CPT1C: variants seen among roughly 807,000 people sequenced by gnomAD.
CPT1C encodes the protein palmitoyl thioesterase CPT1C.
A neutral mutation model predicts 97.3 loss-of-function variants in CPT1C; 61 were observed. That is an observed-to-expected ratio of 0.63 (90% CI 0.51 to 0.78). The LOEUF is 0.78. Ranked by LOEUF, CPT1C falls within the 30% of genes least tolerant of loss-of-function variation. The pLI, the probability that CPT1C is intolerant of heterozygous loss-of-function variation, is 0.00. For missense variants in CPT1C, 975 were observed against 1,065.5 expected (o/e 0.92, Z 1.18); for synonymous variants, 469 against 447.2 (o/e 1.05, Z -0.61).
intron 7 of CPT1C, among the ~76,000 whole-genome samples, chr19:49,704,454 A>C (rs1047107489): frequency 2.0e-5 from 3 of 152,178 alleles, no homozygotes; most frequent in African/African-American, 7.2e-5. Flanking sequence ...TACAGGCGGG[A>C]GCCACCGTGC....
At chr19:49,711,708 C>T in intron 16 of CPT1C, 101 bp from the exon 17 acceptor site, 1 of 1,237,296 alleles carries the variant, frequency 8.1e-7, no homozygotes, top group Non-Finnish European at 1.1e-6. Context: ...TCCCACCTTG[C>T]AGGGATGTGG....
At chr19:49,699,455 T>G (rs1032827295) in intron 4 of CPT1C, among the ~76,000 whole-genome samples, 1 of 39,170 alleles carries the variant, frequency 2.6e-5, no homozygotes, top group African/African-American at 9.8e-5. Context: ...GACCCCTGTC[T>G]CTAAAAAAAA....
chr19:49,712,507 A>G (rs1479841389), intron 17 of CPT1C: 2 of 558,196 alleles, frequency 3.6e-6, no homozygotes, highest in African/African-American at 3.8e-5. Flanking sequence ...GGGCGTGGTC[A>G]GAGGAGGGGC....
In CPT1C at chr19:49,692,360, G is replaced by T; in HGVS notation, c.108G>T (p.Leu36=). ...TGCAGGAGATCTACCTCTCTGGCCT[G>T]CGCTCCTGGAAAAGGCATCTCTCAC... ...PVLQEIYLSG[L]RSWKRHLSRF... is the part of the protein sequence containing the mutation. Residue 36 remains leucine (L), a synonymous_variant, in exon 3 of 20, where the codon CTG becomes CTT. Transcript: ENST00000598293. The T allele has an allele frequency of 6.2e-7, 1 of 1,614,134 alleles. No homozygotes were observed. The highest frequency in any genetic ancestry group is 1.1e-5 in the South Asian group (1 of 91,082).
At chr19:49,695,940 G>A (rs1238034952) in intron 3 of CPT1C, among the ~76,000 whole-genome samples, 1 of 151,914 alleles carries the variant, frequency 6.6e-6, no homozygotes, top group Non-Finnish European at 1.5e-5. Context: ...GCAATAGCAG[G>A]ATCTTGGCTC....
rs563116091 is a variant in CPT1C, at chr19:49,705,277, C to G, written c.943C>G (p.Arg315Gly). 6.2e-7 allele frequency: 1 copy of G among 1,602,904 alleles called. No homozygotes were observed. ...AQYEKIFNTT[R>G]IPGVQKDYIR... is the part of the protein sequence containing the mutation. ...GTACGAGAAGATCTTCAACACCACGCGGATTCCAGGGGTCCAAAAAGGTGA... is the reference window on the plus strand; with the variant it reads ...GTACGAGAAGATCTTCAACACCACGGGGATTCCAGGGGTCCAAAAAGGTGA... The change falls in exon 10 of 20, where the codon CGG becomes GGG. Residue 315 changes from arginine (R) to glycine (G), a missense_variant. Physicochemically the swap from Arg to Gly is moderately radical, Grantham distance 125. This residue lies in a region of CPT1C where 596 missense variants were observed against 603.1 expected (regional missense o/e 0.99). Coordinates refer to ENST00000598293, the MANE Select transcript of CPT1C (RefSeq NM_001199753.2).
At chr19:49,702,757 TGGAGCAGGG>T (rs1261479915) in intron 7 of CPT1C, among the ~76,000 whole-genome samples, 44 of 151,620 alleles carry the variant, frequency 2.9e-4, no homozygotes, top group Admixed American at 2.4e-3. Flanking sequence ...TGGGAGGGTT[TGGAGCAGGG>T]AAGGGGCAGG....
chr19:49,703,091 AC>A (rs2083277464), intron 7 of CPT1C, among the ~76,000 whole-genome samples: 1 of 151,486 alleles, frequency 6.6e-6, no homozygotes, highest in Non-Finnish European at 1.5e-5. Context: ...ACACACACAC[AC>A]ACACACACTC....
At chr19:49,696,754 T>C (rs942512245) in intron 3 of CPT1C, among the ~76,000 whole-genome samples, 20 of 151,984 alleles carry the variant, frequency 1.3e-4, no homozygotes, top group Non-Finnish European at 2.2e-4. Flanking sequence ...TGCCTCAGTC[T>C]CCCAAGTAGT....
intron 10 of CPT1C, among the ~76,000 whole-genome samples, 191 bp downstream of exon 10, chr19:49,705,489 A>C (rs1169739948): frequency 6.6e-6 from 1 of 152,142 alleles, no homozygotes; most frequent in African/African-American, 2.4e-5. Flanking sequence ...GGCTGGGCGC[A>C]GTGACTGATG....
At chr19:49,702,506 G>C (rs1414103146) in intron 7 of CPT1C, among the ~76,000 whole-genome samples, 1 of 151,806 alleles carries the variant, frequency 6.6e-6, no homozygotes, top group East Asian at 1.9e-4. Flanking sequence ...TATAATCCCA[G>C]CTACTCGGGA....
At chr19:49,690,721 C>A, upstream of CPT1C, 1 of 490,720 alleles carries the variant, frequency 2.0e-6, no homozygotes. The surrounding 1 kb of genome is among the most constrained non-coding windows in gnomAD (Gnocchi z 4.4). Context: ...TTCTTGCCAA[C>A]TCAATCCATG....
intron 3 of CPT1C, among the ~76,000 whole-genome samples, chr19:49,693,105 C>G (rs1028408049): frequency 1.4e-4 from 22 of 152,176 alleles, no homozygotes; most frequent in African/African-American, 4.8e-4. Context: ...CCAGGCTAAT[C>G]TCGATCTCCT....
chr19:49,705,009 C>T lies in CPT1C; in HGVS notation c.774C>T (p.Asp258=), dbSNP rs200395771. ...CCATCCCCTCTCCTGGTCCCCAGGA[C>T]TTCCTGTATGTCACACCCACGCCTC... ...LMVNSNYYMM[D]FLYVTPTPLQ... Residue 258 remains aspartate, a splice_region_variant and synonymous_variant, in exon 9 of 20, where the codon GAC becomes GAT. Coordinates refer to ENST00000598293, the MANE Select transcript of CPT1C (RefSeq NM_001199753.2). 5.0e-6 allele frequency: 8 copies of T among 1,591,934 alleles called. No individual in the cohort carries two copies. In the East Asian group the frequency reaches 1.6e-4, roughly 31 times the overall value.
Position 49,704,988 on chromosome 19 carries a change from C to T in CPT1C, c.772-19C>T, listed in dbSNP as rs752460475. 2.5e-5 allele frequency: 40 copies of T among 1,570,978 alleles called. No individual in the cohort carries two copies. The highest frequency in any genetic ancestry group is 1.9e-4 in the Middle Eastern group (1 of 5,136). On this transcript the variant is annotated intron_variant, in intron 8 of 19. Coordinates refer to ENST00000598293, the MANE Select transcript of CPT1C (RefSeq NM_001199753.2). Reference sequence around the variant, plus strand: ...AACCTGACCCTGGGTGTTTTGCCATCCCCTCTCCTGGTCCCCAGGACTTCC... The same window carrying T: ...AACCTGACCCTGGGTGTTTTGCCATTCCCTCTCCTGGTCCCCAGGACTTCC...
In CPT1C at chr19:49,708,014, A is replaced by AC. The variant is rs1157041465; in HGVS notation, c.1449+391_1449+392insC. ...CAAGAATACATCTCAAAAAAAAAAA[A>AC]AAAAAAAAAAAAAGAAAAGAAAAAC... On this transcript the variant is annotated intron_variant, in intron 13 of 19. Coordinates refer to ENST00000598293, the MANE Select transcript of CPT1C (RefSeq NM_001199753.2). Among the ~76,000 whole-genome samples the AC allele has an allele frequency of 3.3e-3, 489 of 149,994 alleles. 3 individuals are homozygous for AC. Among genetic ancestry groups the AC allele is most frequent in the African/African-American group, 0.011 (460 of 41,126 alleles).
chr19:49,700,896 C>T (rs2082980731), intron 5 of CPT1C, 41 bp downstream of exon 5: 5 of 1,583,756 alleles, frequency 3.2e-6, no homozygotes, highest in African/African-American at 1.3e-5. Context: ...CTCCTGGGAC[C>T]CGCTTATCTA....
intron 3 of CPT1C, among the ~76,000 whole-genome samples, chr19:49,694,662 C>T (rs1019057543): frequency 4.0e-5 from 6 of 149,986 alleles, no homozygotes; most frequent in Non-Finnish European, 3.0e-5. Context: ...TGGGAGCCGG[C>T]GGCCAGGAGG....
chr19:49,708,975 C>T (rs1208798496), intron 14 of CPT1C, 136 bp downstream of exon 14: 1 of 620,088 alleles, frequency 1.6e-6, no homozygotes, highest in Non-Finnish European at 2.8e-6. Flanking sequence ...GCTTCCCCCA[C>T]CCCCAAATCA....
Sources: allele counts gnomAD v4.1 joint callset (sites outside exome capture counted in the v4.1 genomes callset), GRCh38; gene constraint gnomAD v4.1.1; regional missense constraint gnomAD v4.1.1; non-coding constraint Gnocchi (gnomAD v3.1); transcripts MANE v1.5; gene names NCBI Gene and HGNC (gene_info 2026-07-23, HGNC 2026-07-21).